MEGF9: variants seen among roughly 807,000 people sequenced by gnomAD.
MEGF9 encodes the protein multiple EGF like domains 9.
In MEGF9, 6 loss-of-function variants were observed where a neutral mutation model predicts 46.8. That is an observed-to-expected ratio of 0.13 (90% CI 0.07 to 0.25). The LOEUF is 0.25. Among genes scored for constraint, MEGF9 ranks in the 10% least tolerant of loss-of-function variants. The pLI is 1.00. For synonymous variants in MEGF9, 302 were observed against 330.7 expected (o/e 0.91, Z 0.94); for missense variants, 683 against 792.4 (o/e 0.86, Z 1.66).
chr9:120,613,830 G>T (rs2043459559), intron 3 of MEGF9, among the ~76,000 whole-genome samples: 1 of 152,122 alleles, frequency 6.6e-6, no homozygotes, highest in South Asian at 2.1e-4. Flanking sequence ...ATTTTACAAA[G>T]TAAGCTAACT....
rs78551756 is a variant in MEGF9 at position 120,685,436 on chromosome 9, C to G, written c.602-25861G>C. On this transcript the variant is annotated intron_variant, in intron 1 of 5. Transcript: ENST00000373930. ...AAAAGAAATAATTTGGCTCCCTCCT[C>G]CCCTCCTGAAGTAATAGTCTTGGAG... Among the ~76,000 whole-genome samples, 566 of 152,302 alleles carry G rather than the reference C, an allele frequency of 3.7e-3. 3 individuals carry two copies. The highest frequency in any genetic ancestry group is 6.2e-3 in the Non-Finnish European group (423 of 68,038).
intron 2 of MEGF9, among the ~76,000 whole-genome samples, chr9:120,636,901 C>G (rs980245794): frequency 6.6e-6 from 1 of 151,490 alleles, no homozygotes; most frequent in African/African-American, 2.4e-5. Context: ...AGTGAGGAGC[C>G]CCTCTGCCCG....
intron 2 of MEGF9, among the ~76,000 whole-genome samples, chr9:120,624,715 A>T (rs1158651708): frequency 6.6e-6 from 1 of 152,010 alleles, no homozygotes; most frequent in African/African-American, 2.4e-5. Flanking sequence ...CTCTACCAAA[A>T]ATACAAAAAT....
chr9:120,648,515 T>C (rs562092450), intron 2 of MEGF9, among the ~76,000 whole-genome samples: 32 of 152,272 alleles, frequency 2.1e-4, no homozygotes, highest in Non-Finnish European at 4.4e-4. Flanking sequence ...TCAATCCAAA[T>C]GCAACTGCCT....
In MEGF9 at chr9:120,607,660, G is replaced by T. The variant is rs117904448; in HGVS notation, c.1357+81C>A. Reference sequence around the variant, plus strand: ...TATTTCCAGAAACTCCTCTGGTAGGGTTAGAAGGTTTTACAAAGCCTTCCA... The same window carrying T: ...TATTTCCAGAAACTCCTCTGGTAGGTTTAGAAGGTTTTACAAAGCCTTCCA... On this transcript the variant is annotated intron_variant, in intron 5 of 5. Transcript: ENST00000373930. The T allele has an allele frequency of 6.7e-3, 9,762 of 1,451,750 alleles. 54 individuals are homozygous for T. Among genetic ancestry groups the T allele is most frequent in the South Asian group, 8.2e-3 (681 of 82,934 alleles). The allele number at this position is 1,451,750 out of a possible 1,614,324, so 89.9% of individuals were successfully genotyped here.
chr9:120,658,279 G>A (rs1025360099), intron 2 of MEGF9, among the ~76,000 whole-genome samples: 4 of 152,108 alleles, frequency 2.6e-5, no homozygotes, highest in Non-Finnish European at 5.9e-5. Context: ...GAGCCACCGC[G>A]CCCAGCCTCT....
rs568189519 is a variant in MEGF9, at chr9:120,601,228, GCTTA to G, written c.*3958_*3961del. 102 of 152,340 alleles carry G rather than the reference GCTTA, an allele frequency of 6.7e-4. No homozygotes were observed. Among genetic ancestry groups the G allele is most frequent in the African/African-American group, 2.4e-3 (100 of 41,530 alleles). The allele number at this position is 152,340 out of a possible 1,614,324, so 9.4% of individuals were successfully genotyped here. On this transcript the variant is annotated 3_prime_UTR_variant, in exon 6 of 6. Transcript: ENST00000373930. Reference sequence around the variant, plus strand: ...GACTAACTTAGATCTGAAGCCCTGGGCTTACTTTCTAGGGCTGCTGCTGCAGTAA... The same window carrying G: ...GACTAACTTAGATCTGAAGCCCTGGGCTTTCTAGGGCTGCTGCTGCAGTAA...
intron 1 of MEGF9, among the ~76,000 whole-genome samples, chr9:120,710,354 G>T (rs564708630): frequency 6.6e-6 from 1 of 151,420 alleles, no homozygotes; most frequent in Non-Finnish European, 1.5e-5. Flanking sequence ...AACCCGGGAG[G>T]TGGAGGTTGT....
intron 1 of MEGF9, among the ~76,000 whole-genome samples, chr9:120,675,629 C>G (rs1353545229): frequency 7.3e-6 from 1 of 136,588 alleles, no homozygotes; most frequent in Non-Finnish European, 1.6e-5. Flanking sequence ...TGGCTCATGC[C>G]TGTAATCCCA....
At chr9:120,675,820 G>A (rs1326298626) in intron 1 of MEGF9, among the ~76,000 whole-genome samples, 7 of 144,892 alleles carry the variant, frequency 4.8e-5, no homozygotes, top group African/African-American at 7.6e-5. Flanking sequence ...CCTGGGAGGC[G>A]GAAGCTGCAG....
chr9:120,654,478 T>C (rs2043667435), intron 2 of MEGF9, among the ~76,000 whole-genome samples: 1 of 152,194 alleles, frequency 6.6e-6, no homozygotes, highest in African/African-American at 2.4e-5. Flanking sequence ...GGTAACACAC[T>C]GCAACATATT....
At chr9:120,634,608 G>C (rs1161171669) in intron 2 of MEGF9, among the ~76,000 whole-genome samples, 2 of 151,778 alleles carry the variant, frequency 1.3e-5, no homozygotes, top group African/African-American at 4.8e-5. Flanking sequence ...CTTTCAGTCT[G>C]TGTATGTCTT....
rs2043394888 is a variant in MEGF9, at chr9:120,601,349, T to A, written c.*3841A>T. The A allele has an allele frequency of 6.6e-6, 1 of 152,134 alleles. No homozygotes were observed. Among genetic ancestry groups the A allele is most frequent in the Non-Finnish European group, 1.5e-5 (1 of 68,010 alleles). 9.4% of individuals were successfully genotyped at this position (152,134 alleles called of 1,614,324 possible). On this transcript the variant is annotated 3_prime_UTR_variant, in exon 6 of 6. Transcript: ENST00000373930. ...TATGTTCACCAAGCATCCTAAAAAGTGTAGGACCAAGGTGAATGATCTAAT... is the reference window on the plus strand; with the variant it reads ...TATGTTCACCAAGCATCCTAAAAAGAGTAGGACCAAGGTGAATGATCTAAT...
intron 2 of MEGF9, among the ~76,000 whole-genome samples, chr9:120,653,472 A>G (rs1429547648): frequency 6.6e-6 from 1 of 151,786 alleles, no homozygotes; most frequent in Non-Finnish European, 1.5e-5. Context: ...CCCAGGTTCA[A>G]GCAATTCTCC....
At chr9:120,674,504 T>C (rs960021588) in intron 1 of MEGF9, among the ~76,000 whole-genome samples, 2 of 152,174 alleles carry the variant, frequency 1.3e-5, no homozygotes, top group Non-Finnish European at 2.9e-5. Flanking sequence ...GCTGAGGAAG[T>C]AGAACTCTAG....
At chr9:120,648,973 T>G (rs1159284789) in intron 2 of MEGF9, among the ~76,000 whole-genome samples, 1 of 152,246 alleles carries the variant, frequency 6.6e-6, no homozygotes, top group Non-Finnish European at 1.5e-5. Context: ...GGATGGGGCT[T>G]GGCTCCAGGA....
chr9:120,675,284 T>C (rs1449435228), intron 1 of MEGF9, among the ~76,000 whole-genome samples: 1 of 152,176 alleles, frequency 6.6e-6, no homozygotes, highest in Non-Finnish European at 1.5e-5. Flanking sequence ...CTATGTCTGA[T>C]CTATTAAGTG....
At chr9:120,680,003 C>G (rs1057426057) in intron 1 of MEGF9, among the ~76,000 whole-genome samples, 12 of 151,710 alleles carry the variant, frequency 7.9e-5, no homozygotes, top group Admixed American at 2.0e-4. Flanking sequence ...ACTTCCAACT[C>G]TAGAATTTCT....
chr9:120,669,980 A>C (rs891769252), intron 1 of MEGF9, among the ~76,000 whole-genome samples: 2 of 152,264 alleles, frequency 1.3e-5, no homozygotes, highest in African/African-American at 4.8e-5. Flanking sequence ...CAGAATTGGA[A>C]TAATTCAACA....
Sources: allele counts gnomAD v4.1 joint callset (sites outside exome capture counted in the v4.1 genomes callset), GRCh38; gene constraint gnomAD v4.1.1; transcripts MANE v1.5; gene names NCBI Gene and HGNC (gene_info 2026-07-23, HGNC 2026-07-21).